ZCCHC2: variants seen among roughly 807,000 people sequenced by gnomAD.
ZCCHC2 encodes the protein zinc finger CCHC domain-containing protein 2.
Under a neutral mutation model 103.6 loss-of-function variants are expected in ZCCHC2, and 39 were observed. That is an observed-to-expected ratio of 0.38 (90% CI 0.29 to 0.49). The LOEUF (loss-of-function observed/expected upper bound fraction) is 0.49. Among genes scored for constraint, ZCCHC2 ranks in the 20% least tolerant of loss-of-function variants. The pLI is 0.96. For missense variants in ZCCHC2, 1,483 were observed against 1,491.0 expected (o/e 0.99, Z 0.09); for synonymous variants, 687 against 608.9 (o/e 1.13, Z -1.89).
At chr18:62,539,282 C>T (rs1347432703) in intron 1 of ZCCHC2, among the ~76,000 whole-genome samples, 1 of 152,138 alleles carries the variant, frequency 6.6e-6, no homozygotes, top group East Asian at 1.9e-4. Context: ...AATAAAGCAT[C>T]TTTTTAGACT....
intron 12 of ZCCHC2, 149 bp from the exon 13 acceptor site, chr18:62,573,908 G>T (rs781219972): frequency 1.4e-4 from 111 of 767,638 alleles, no homozygotes; most frequent in Non-Finnish European, 2.0e-4. Flanking sequence ...AAAGCCGAAA[G>T]TTAAAGGGAG....
intron 1 of ZCCHC2, among the ~76,000 whole-genome samples, chr18:62,534,599 A>G (rs1914840760): frequency 1.3e-5 from 2 of 152,220 alleles, no homozygotes; most frequent in African/African-American, 4.8e-5. Context: ...TGAACGCTCT[A>G]TAACATAAAT....
chr18:62,532,297 C>G (rs907875026), intron 1 of ZCCHC2, among the ~76,000 whole-genome samples: 3 of 152,198 alleles, frequency 2.0e-5, no homozygotes, highest in African/African-American at 7.2e-5. Context: ...ACTTGATGAC[C>G]TTGATCGTCT....
intron 2 of ZCCHC2, among the ~76,000 whole-genome samples, chr18:62,542,293 T>C (rs887193730): frequency 6.6e-6 from 1 of 152,136 alleles, no homozygotes; most frequent in South Asian, 2.1e-4. Flanking sequence ...TAGAAAAAAA[T>C]TTTTTTCATG....
Position 62,542,562 on chromosome 18 carries a change from GT to G in ZCCHC2, c.1117del (p.Tyr373ThrfsTer5). ...GAAAAAGAGCTGACAAATACTGGGA[GT>G]ACACTTTCAAAGTAAGCCATTTTCC... ...QRKRADKYWEYTFKVNWSDLS... is the reference protein window; with the variant it reads ...QRKRADKYWEXTFKVNWSDLS... On this transcript the variant is annotated frameshift_variant, in exon 3 of 14. Coordinates refer to ENST00000269499, the MANE Select transcript of ZCCHC2 (RefSeq NM_017742.6). LOFTEE classifies it high-confidence loss of function. The G allele has an allele frequency of 6.4e-7, 1 of 1,561,838 alleles. No homozygotes were observed. The highest frequency in any genetic ancestry group is 1.9e-5 in the Admixed American group (1 of 52,184).
intron 1 of ZCCHC2, chr18:62,526,353 T>A (rs573012684): frequency 6.6e-6 from 1 of 152,428 alleles, no homozygotes; most frequent in South Asian, 2.1e-4. Flanking sequence ...ACTGGGCTAT[T>A]TCTAGATGCG....
In ZCCHC2 at chr18:62,575,152, A is replaced by G. The variant is rs758361789; in HGVS notation, c.3071A>G (p.Asn1024Ser). ...GGGCGAAGGTGCAGCTGTGGGACCA[A>G]TGGAAACCTTCAGCTAAATAGTTAC... ...SCGRRCSCGT[N>S]GNLQLNSYYY... The change falls in exon 13 of 14, where the codon AAT (asparagine) becomes AGT (serine). Residue 1024 changes from asparagine (N) to serine (S), a missense_variant. Transcript: ENST00000269499. The G allele has an allele frequency of 2.5e-6, 4 of 1,614,012 alleles. No homozygotes were observed. Among genetic ancestry groups the G allele is most frequent in the East Asian group, 2.2e-5 (1 of 44,884 alleles).
In ZCCHC2 at chr18:62,560,568, A is replaced by C. The variant is rs545439413; in HGVS notation, c.1493-19A>C. The stretch of plus-strand genomic sequence containing the variant: ...GCTGCAGCATTTAGTGTAATAAGTT[A>C]CTTTTTCCTCTCTTCTAGATGTGTT... On this transcript the variant is annotated intron_variant, in intron 7 of 13. Transcript: ENST00000269499. The C allele has an allele frequency of 1.2e-6, 2 of 1,608,918 alleles. No homozygotes were observed. Among genetic ancestry groups the C allele is most frequent in the Admixed American group, 3.4e-5 (2 of 59,408 alleles).
chr18:62,531,063 T>C (rs1360491111), intron 1 of ZCCHC2, among the ~76,000 whole-genome samples: 2 of 152,212 alleles, frequency 1.3e-5, no homozygotes, highest in Non-Finnish European at 2.9e-5. Flanking sequence ...AGCTAATTTT[T>C]TTTTTTTTAA....
rs1916822037 is a variant in ZCCHC2 at position 62,575,878 on chromosome 18, T to C, written c.3469+328T>C. Among the ~76,000 whole-genome samples the C allele has an allele frequency of 2.0e-5, 3 of 152,152 alleles. 1 individual carries two copies. In the South Asian group the frequency reaches 6.2e-4, roughly 32 times the overall value. Reference sequence around the variant, plus strand: ...TTTTTTTTTAAGCTACAATCCTGTTTCATAGAGTAAGCAAAATTTTTAAAT... The same window carrying C: ...TTTTTTTTTAAGCTACAATCCTGTTCCATAGAGTAAGCAAAATTTTTAAAT... On this transcript the variant is annotated intron_variant, in intron 13 of 13. Coordinates refer to ENST00000269499, the MANE Select transcript of ZCCHC2 (RefSeq NM_017742.6).
chr18:62,524,813 C>T (rs766206611), intron 1 of ZCCHC2: 1 of 165,632 alleles, frequency 6.0e-6, no homozygotes. Context: ...GGCCGGGGCT[C>T]CGCCTCCCGT....
intron 8 of ZCCHC2, among the ~76,000 whole-genome samples, chr18:62,562,071 G>A (rs1488274871): frequency 3.3e-5 from 5 of 151,820 alleles, no homozygotes; most frequent in African/African-American, 9.7e-5. Context: ...GTCTCAGCTC[G>A]CTGCAACCTC....
intron 1 of ZCCHC2, among the ~76,000 whole-genome samples, chr18:62,528,361 G>A (rs74775668): frequency 6.6e-6 from 1 of 152,038 alleles, no homozygotes; most frequent in Non-Finnish European, 1.5e-5. Flanking sequence ...TCGGGAGGCC[G>A]AGGTGGGCGG....
intron 1 of ZCCHC2, among the ~76,000 whole-genome samples, chr18:62,531,104 A>G (rs1302041375): frequency 2.0e-5 from 3 of 152,186 alleles, no homozygotes; most frequent in African/African-American, 7.2e-5. Context: ...ACTACTGTCA[A>G]GGCAGACTGA....
intron 1 of ZCCHC2, among the ~76,000 whole-genome samples, chr18:62,535,077 C>T (rs1914862339): frequency 6.6e-6 from 1 of 152,214 alleles, no homozygotes; most frequent in Non-Finnish European, 1.5e-5. Context: ...GGCTCACATC[C>T]TTCCTGACGA....
At position 62,537,358 on chromosome 18, in the gene ZCCHC2, G is replaced by A. The variant is rs138477650; in HGVS notation, c.940-2323G>A. ...CAAAAAAAAAAAATTCTTTTGTAGC[G>A]ATAGGATCGTGCAGTGTCGCCCAGT... On this transcript the variant is annotated intron_variant, in intron 1 of 13. Coordinates refer to ENST00000269499, the MANE Select transcript of ZCCHC2 (RefSeq NM_017742.6). Among the ~76,000 whole-genome samples the A allele has an allele frequency of 7.2e-5, 11 of 152,190 alleles. No homozygotes were observed. The East Asian group carries it at 1.4e-3, about 19-fold the overall frequency.
Position 62,524,336 on chromosome 18 carries a change from G to A in ZCCHC2, c.912G>A (p.Pro304=). The A allele has an allele frequency of 2.6e-6, 4 of 1,536,958 alleles. No homozygotes were observed. Among genetic ancestry groups the A allele is most frequent in the Non-Finnish European group, 2.6e-6 (3 of 1,141,684 alleles). ...GPEDAEVEVE[P]CKFAGPRAQN... ...AGGACGCGGAGGTGGAGGTAGAGCC[G>A]TGCAAGTTTGCCGGCCCCAGGGCCC... The change falls in exon 1 of 14, where the codon CCG becomes CCA. Residue 304 remains proline, a synonymous_variant. Coordinates refer to ENST00000269499, the MANE Select transcript of ZCCHC2 (RefSeq NM_017742.6).
Position 62,523,714 on chromosome 18 carries a change from G to A in ZCCHC2, c.290G>A (p.Arg97Gln), listed in dbSNP as rs1263871431. 25 of 1,477,664 alleles carry A rather than the reference G, an allele frequency of 1.7e-5. No individual in the cohort carries two copies. The highest frequency in any genetic ancestry group is 2.9e-5 in the African/African-American group (2 of 68,256). The allele number at this position is 1,477,664 out of a possible 1,614,324, so 91.5% of individuals were successfully genotyped here. A position where few individuals can be genotyped will look rare whatever the true frequency, so the allele number is the denominator to read the frequency against. Residue 97 changes from arginine (R) to glutamine (Q), a missense_variant, in exon 1 of 14, where the codon CGG (arginine) becomes CAG (glutamine). Arg to Gln is a conservative substitution (Grantham distance 43, BLOSUM62 1). Coordinates refer to ENST00000269499, the MANE Select transcript of ZCCHC2 (RefSeq NM_017742.6). ...GPSAALREQE[R>Q]VYEWFGLVLG... ...TCGGCGGCGCTGCGCGAGCAGGAGC[G>A]GGTATACGAGTGGTTCGGGCTGGTG...
intron 6 of ZCCHC2, among the ~76,000 whole-genome samples, chr18:62,558,128 G>A (rs1244730640): frequency 2.0e-5 from 3 of 152,016 alleles, no homozygotes; most frequent in African/African-American, 7.2e-5. Context: ...AGTCCTGAAT[G>A]AGTTAAGATG....
Sources: gnomAD v4.1 joint callset for allele counts (sites outside exome capture counted in the v4.1 genomes callset) on GRCh38, gnomAD v4.1.1 for gene constraint, MANE v1.5 for transcripts, NCBI Gene and HGNC (gene_info 2026-07-23, HGNC 2026-07-21) for gene names.